The following USP3 variants were observed in gnomAD, a reference collection of about 807,000 sequenced individuals.
USP3 encodes ubiquitin carboxyl-terminal hydrolase 3.
USP3 carries 20 observed loss-of-function variants against 72.3 expected under a neutral mutation model. The observed-to-expected ratio is 0.28, with a 90% CI of 0.19 to 0.40. The LOEUF (loss-of-function observed/expected upper bound fraction) is 0.40. Ranked by LOEUF, USP3 falls within the 10% of genes least tolerant of loss-of-function variation. The pLI is 1.00. For synonymous variants in USP3, 222 were observed against 225.3 expected (o/e 0.99, Z 0.13); for missense variants, 479 against 633.9 (o/e 0.76, Z 2.62).
At chr15:63,525,832 C>T (rs1294409029) in intron 1 of USP3, among the ~76,000 whole-genome samples, 1 of 152,220 alleles carries the variant, frequency 6.6e-6, no homozygotes, top group South Asian at 2.1e-4. Context: ...ATGATACTGC[C>T]CTATCCTCCA....
intron 9 of USP3, among the ~76,000 whole-genome samples, chr15:63,571,610 T>G (rs907391723): frequency 6.6e-6 from 1 of 152,192 alleles, no homozygotes; most frequent in Admixed American, 6.5e-5. Context: ...TCATGGCATA[T>G]TCATCCACAA....
intron 3 of USP3, among the ~76,000 whole-genome samples, chr15:63,538,802 TC>T (rs2066199371): frequency 6.6e-6 from 1 of 152,110 alleles, no homozygotes; most frequent in South Asian, 2.1e-4. Flanking sequence ...TGCCTCGGCC[TC>T]CCAAAGGGTC....
chr15:63,540,431 G>A (rs1384724954), intron 3 of USP3, among the ~76,000 whole-genome samples: 2 of 152,198 alleles, frequency 1.3e-5, no homozygotes, highest in Non-Finnish European at 2.9e-5. Context: ...AGTATGCAGT[G>A]TCTGGTGCAG....
At chr15:63,541,348 A>C (rs2152663847) in intron 3 of USP3, among the ~76,000 whole-genome samples, 1 of 152,338 alleles carries the variant, frequency 6.6e-6, no homozygotes, top group African/African-American at 2.4e-5. Flanking sequence ...TAGATAATGA[A>C]TCATTTCCTA....
chr15:63,588,338 T>C lies in USP3; in HGVS notation c.1130T>C (p.Leu377Pro). 6.3e-7 allele frequency: 1 copy of C among 1,598,488 alleles called. No individual in the cohort carries two copies. Among genetic ancestry groups the C allele is most frequent in the Non-Finnish European group, 8.5e-7 (1 of 1,176,244 alleles). Residue 377 changes from leucine (L) to proline (P), a missense_variant, in exon 12 of 15, where the codon CTT becomes CCT. By Grantham distance (98) the Leu-to-Pro change is moderately conservative (BLOSUM62 -3). Coordinates refer to ENST00000380324, the MANE Select transcript of USP3 (RefSeq NM_006537.4). This position sits in a 1 kb window ranked among gnomAD's most constrained non-coding sequence, Gnocchi z 4.6. The part of the protein sequence containing the change: ...CLRSFTDLEE[L>P]DETELYMCHK... The stretch of plus-strand genomic sequence containing the variant: ...CGCAGTTTTACCGACTTAGAAGAAC[T>C]TGATGAGACAGAGTTATATATGTGC...
At chr15:63,549,996 T>C (rs556847153) in intron 3 of USP3, among the ~76,000 whole-genome samples, 22 of 152,370 alleles carry the variant, frequency 1.4e-4, no homozygotes, top group Middle Eastern at 3.4e-3. Flanking sequence ...AGAGCATTTG[T>C]GCATATGTAC....
At chr15:63,555,893 A>AC (rs2066499487) in intron 4 of USP3, among the ~76,000 whole-genome samples, 2 of 152,232 alleles carry the variant, frequency 1.3e-5, no homozygotes, top group Admixed American at 1.3e-4. Context: ...CTTTGGATGA[A>AC]CTGGGTACTT....
intron 8 of USP3, among the ~76,000 whole-genome samples, chr15:63,569,148 A>G (rs2066740589): frequency 6.6e-6 from 1 of 152,226 alleles, no homozygotes; most frequent in African/African-American, 2.4e-5. Context: ...TTCAGATACT[A>G]AAACTACTAA....
intron 1 of USP3, among the ~76,000 whole-genome samples, chr15:63,523,349 C>T (rs747058560): frequency 1.3e-5 from 2 of 151,994 alleles, no homozygotes; most frequent in Non-Finnish European, 2.9e-5. Context: ...GGCTCTGGAA[C>T]GAACTTAGCG....
Position 63,570,329 on chromosome 15 carries a change from A to G in USP3, c.762-104A>G, listed in dbSNP as rs988650877. ...GTGAGGAAGCCTGGCTGTGCTTGTG[A>G]GCACGGGGCTGCCGTCCTTTTCCAC... On this transcript the variant is annotated intron_variant, in intron 8 of 14. Transcript: ENST00000380324. The surrounding 1 kb of genome is among the most constrained non-coding windows in gnomAD (Gnocchi z 4.4). The G allele has an allele frequency of 9.5e-6, 14 of 1,470,356 alleles. No homozygotes were observed. Among genetic ancestry groups the G allele is most frequent in the African/African-American group, 1.4e-5 (1 of 71,164 alleles). 91.1% of individuals were successfully genotyped at this position (1,470,356 alleles called of 1,614,324 possible). A position where few individuals can be genotyped will look rare whatever the true frequency, so the allele number is the denominator to read the frequency against.
At chr15:63,511,230 C>T (rs983150268) in intron 1 of USP3, among the ~76,000 whole-genome samples, 3 of 110,780 alleles carry the variant, frequency 2.7e-5, no homozygotes, top group Non-Finnish European at 5.1e-5. Flanking sequence ...AAAGCTTAAA[C>T]TCTAACACTG....
At chr15:63,557,592 C>A (rs558635712) in intron 5 of USP3, among the ~76,000 whole-genome samples, 2 of 152,192 alleles carry the variant, frequency 1.3e-5, no homozygotes, top group East Asian at 3.8e-4. Flanking sequence ...GACGGAGTTT[C>A]GCCATGTTGG....
chr15:63,530,595 G>C, intron 1 of USP3: 1 of 436,028 alleles, frequency 2.3e-6, no homozygotes, highest in Non-Finnish European at 4.6e-6. Flanking sequence ...CTACAGGCAC[G>C]TACCAGTGCA....
At chr15:63,542,692 T>G (rs1272369239) in intron 3 of USP3, among the ~76,000 whole-genome samples, 2 of 152,136 alleles carry the variant, frequency 1.3e-5, no homozygotes, top group Non-Finnish European at 2.9e-5. Flanking sequence ...AACAGAAACT[T>G]AAGCTCTTCT....
At chr15:63,580,955 C>A (rs1244031702) in intron 11 of USP3, among the ~76,000 whole-genome samples, 2 of 151,792 alleles carry the variant, frequency 1.3e-5, no homozygotes, top group Non-Finnish European at 1.5e-5. Flanking sequence ...ATTGCAGGCA[C>A]GAGCCACCAT....
intron 1 of USP3, among the ~76,000 whole-genome samples, chr15:63,513,471 G>A (rs886721484): frequency 2.0e-5 from 3 of 152,010 alleles, no homozygotes; most frequent in Non-Finnish European, 2.9e-5. Flanking sequence ...CCTGGAACTC[G>A]CGGGCTTAAG....
chr15:63,548,051 C>T (rs1191509845), intron 3 of USP3, among the ~76,000 whole-genome samples: 4 of 121,030 alleles, frequency 3.3e-5, no homozygotes, highest in Non-Finnish European at 4.9e-5. Flanking sequence ...ACGGAGGTTG[C>T]AGTGAGCTGA....
At chr15:63,511,400 A>G (rs2065780209) in intron 1 of USP3, among the ~76,000 whole-genome samples, 1 of 152,110 alleles carries the variant, frequency 6.6e-6, no homozygotes, top group South Asian at 2.1e-4. Flanking sequence ...ATATATTTTA[A>G]GTTCCACATC....
intron 2 of USP3, among the ~76,000 whole-genome samples, chr15:63,534,483 G>A (rs1432891948): frequency 1.4e-4 from 22 of 152,132 alleles, no homozygotes; most frequent in Admixed American, 1.2e-3. Context: ...CATATGTAGT[G>A]AAATTTTTCC....
Sources: allele counts gnomAD v4.1 joint callset (sites outside exome capture counted in the v4.1 genomes callset), GRCh38; gene constraint gnomAD v4.1.1; non-coding constraint Gnocchi (gnomAD v3.1); transcripts MANE v1.5; gene names NCBI Gene and HGNC (gene_info 2026-07-23, HGNC 2026-07-21).